IQCK: variants seen among roughly 807,000 people sequenced by gnomAD.
IQCK encodes IQ motif containing K.
In IQCK, 29 loss-of-function variants were observed where a neutral mutation model predicts 28.1. The observed-to-expected ratio is 1.03, with a 90% CI of 0.77 to 1.41. The LOEUF is 1.41. Among genes scored for constraint, IQCK ranks in the 40% most tolerant of loss-of-function variants. The probability of loss-of-function intolerance (pLI) is 0.00; values close to 1 mark genes in which losing one functional copy is unlikely to be tolerated. For synonymous variants in IQCK, 113 were observed against 115.1 expected (o/e 0.98, Z 0.12); for missense variants, 359 against 314.7 (o/e 1.14, Z -1.07).
At chr16:19,826,139 T>A (rs1465094860) in intron 7 of IQCK, among the ~76,000 whole-genome samples, 4 of 151,950 alleles carry the variant, frequency 2.6e-5, no homozygotes, top group Non-Finnish European at 5.9e-5. Flanking sequence ...CCTGAGTAGC[T>A]GGGACTACAG....
At chr16:19,746,460 T>G (rs1488250363) in intron 4 of IQCK, among the ~76,000 whole-genome samples, 1 of 152,226 alleles carries the variant, frequency 6.6e-6, no homozygotes. Flanking sequence ...CAACCTGACA[T>G]TCATTCCTAC....
At chr16:19,805,136 A>G (rs2055817819) in intron 7 of IQCK, among the ~76,000 whole-genome samples, 1 of 152,082 alleles carries the variant, frequency 6.6e-6, no homozygotes, top group African/African-American at 2.4e-5. Flanking sequence ...CAGGTGAGCC[A>G]GTGTCATTTA....
At chr16:19,767,636 C>T (rs187421894) in intron 6 of IQCK, among the ~76,000 whole-genome samples, 3 of 152,192 alleles carry the variant, frequency 2.0e-5, no homozygotes, top group South Asian at 2.1e-4. Context: ...GGTGTCTGCC[C>T]GCTAGGGTCT....
downstream of IQCK, chr16:19,827,326 A>G (rs1393755929): frequency 1.2e-5 from 7 of 590,126 alleles, no homozygotes; most frequent in African/African-American, 7.4e-5. Context: ...TATAATTTAC[A>G]GGGCCATTTC....
chr16:19,847,210 A>G (rs1733957168), intron 9 of IQCK, among the ~76,000 whole-genome samples: 3 of 152,196 alleles, frequency 2.0e-5, no homozygotes, highest in African/African-American at 7.2e-5. Flanking sequence ...AAATTTCCTG[A>G]TTAATTCTAT....
intron 4 of IQCK, among the ~76,000 whole-genome samples, chr16:19,748,072 C>CTTTTTTTTTTT (rs61573221): frequency 8.5e-6 from 1 of 117,214 alleles, no homozygotes; most frequent in African/African-American, 3.5e-5. Flanking sequence ...GGCTCAAATT[C>CTTTTTTTTTTT]TTTTTTTTTT....
intron 9 of IQCK, among the ~76,000 whole-genome samples, chr16:19,856,286 G>T (rs532208748): frequency 6.6e-6 from 1 of 152,326 alleles, no homozygotes; most frequent in Admixed American, 6.5e-5. Flanking sequence ...AAGTGGTTTT[G>T]AACTTTCAGG....
Position 19,825,546 on chromosome 16 carries a change from G to T in IQCK, c.691-1480G>T, listed in dbSNP as rs2056137291. Among the ~76,000 whole-genome samples the T allele has an allele frequency of 6.6e-6, 1 of 151,386 alleles. No homozygotes were observed. The highest frequency in any genetic ancestry group is 2.1e-4 in the South Asian group (1 of 4,796). On this transcript the variant is annotated intron_variant, in intron 7 of 7. Transcript: ENST00000564186. The surrounding 1 kb of genome is among the most constrained non-coding windows in gnomAD (Gnocchi z 4.2). ...AAAAAAAAAAAAATGTAAAATATTT[G>T]GCCAGGCACAGTGGCTCTCACCTGT...
chr16:19,736,609 G>T (rs1978022880), intron 4 of IQCK, among the ~76,000 whole-genome samples: 1 of 152,160 alleles, frequency 6.6e-6, no homozygotes, highest in Admixed American at 6.5e-5. Context: ...CTAGAATTTT[G>T]GATGATCCAG....
intron 6 of IQCK, among the ~76,000 whole-genome samples, chr16:19,766,770 C>T (rs1450048950): frequency 1.3e-5 from 2 of 152,194 alleles, no homozygotes; most frequent in Non-Finnish European, 2.9e-5. Context: ...GCAAAACTGC[C>T]TCTGGTTGAG....
intron 7 of IQCK, among the ~76,000 whole-genome samples, chr16:19,820,759 T>C (rs2056061449): frequency 6.6e-6 from 1 of 152,066 alleles, no homozygotes; most frequent in South Asian, 2.1e-4. Context: ...GAGAAAATAC[T>C]AGTATATAAT....
downstream of IQCK, among the ~76,000 whole-genome samples, chr16:19,827,970 C>T (rs1055388513): frequency 1.4e-4 from 21 of 151,734 alleles, no homozygotes; most frequent in South Asian, 4.2e-4. Context: ...TGGAGTGCAG[C>T]GGTGTGACCT....
chr16:19,783,668 A>C (rs191380252), intron 6 of IQCK, among the ~76,000 whole-genome samples: 6 of 151,948 alleles, frequency 3.9e-5, no homozygotes, highest in Non-Finnish European at 8.8e-5. Flanking sequence ...TCCCAGGACT[A>C]CTCTTCGAAG....
At chr16:19,730,541 G>A (rs1977800431) in intron 2 of IQCK, 47 bp downstream of exon 2, 4 of 1,397,612 alleles carry the variant, frequency 2.9e-6, no homozygotes, top group Non-Finnish European at 4.0e-6. Context: ...TCTTAAATGA[G>A]AATAGCATTG....
intron 1 of IQCK, among the ~76,000 whole-genome samples, chr16:19,720,943 C>T (rs1000185495): frequency 7.3e-5 from 11 of 150,986 alleles, no homozygotes; most frequent in African/African-American, 2.4e-5. Context: ...ACCTGAGAGG[C>T]GGAGGTTGCA....
At chr16:19,821,616 G>A (rs999801863) in intron 7 of IQCK, among the ~76,000 whole-genome samples, 2 of 152,114 alleles carry the variant, frequency 1.3e-5, no homozygotes, top group East Asian at 1.9e-4. Context: ...CATGAGAATC[G>A]CTTGAAAGTG....
At chr16:19,734,427 T>C (rs576943597) in intron 3 of IQCK, among the ~76,000 whole-genome samples, 3 of 132,684 alleles carry the variant, frequency 2.3e-5, no homozygotes, top group Admixed American at 8.5e-5. Flanking sequence ...GCCACTGCAC[T>C]CCAGCCTGGG....
intron 9 of IQCK, among the ~76,000 whole-genome samples, chr16:19,856,219 A>G (rs2141131193): frequency 6.6e-6 from 1 of 152,314 alleles, no homozygotes; most frequent in Middle Eastern, 3.4e-3. Flanking sequence ...CTGACCGGCA[A>G]AGCACACTTC....
rs183685721 is a variant in IQCK, at chr16:19,776,657, C to T, written c.606-12181C>T. The stretch of plus-strand genomic sequence containing the variant: ...CCGAGAAGCAGAGGTTGCAGTGAGC[C>T]GAGATGGTGCCACTGCACTCCAGCC... On this transcript the variant is annotated intron_variant, in intron 6 of 7. Coordinates refer to ENST00000564186, the Ensembl canonical transcript of IQCK. Among the ~76,000 whole-genome samples the T allele has an allele frequency of 5.6e-4, 85 of 152,216 alleles. 1 individual carries two copies. In the East Asian group the frequency reaches 0.016, roughly 29 times the overall value.
Sources: allele counts gnomAD v4.1 joint callset (sites outside exome capture counted in the v4.1 genomes callset), GRCh38; gene constraint gnomAD v4.1.1; non-coding constraint Gnocchi (gnomAD v3.1); transcripts MANE v1.5; gene names NCBI Gene and HGNC (gene_info 2026-07-23, HGNC 2026-07-21).